ACVR1: variants seen among roughly 807,000 people sequenced by gnomAD.
The protein encoded by ACVR1 is activin receptor type-1.
In ACVR1, 38 loss-of-function variants were observed where a neutral mutation model predicts 57.1. The ratio of observed to expected loss-of-function variants is 0.67; its 90% confidence interval spans 0.51 to 0.87. The LOEUF (loss-of-function observed/expected upper bound fraction) is 0.87. Ranked by LOEUF, ACVR1 falls within the 40% of genes least tolerant of loss-of-function variation. The pLI is 0.00. For missense variants in ACVR1, 463 were observed against 638.2 expected (o/e 0.73, Z 2.96); for synonymous variants, 212 against 228.1 (o/e 0.93, Z 0.63).
chr2:157,794,425 ACT>A (rs909650125), intron 3 of ACVR1, among the ~76,000 whole-genome samples: 2 of 151,904 alleles, frequency 1.3e-5, no homozygotes, highest in Non-Finnish European at 2.9e-5. Flanking sequence ...GCTATTACAA[ACT>A]CTCTTCTCAC....
At chr2:157,750,754 A>AATAGGT (rs1685156425) in intron 9 of ACVR1, among the ~76,000 whole-genome samples, 1 of 152,234 alleles carries the variant, frequency 6.6e-6, no homozygotes, top group Non-Finnish European at 1.5e-5. Context: ...CCAATGAAGA[A>AATAGGT]AAAATAGGTA....
rs78162112 is a variant in ACVR1, at chr2:157,848,398, G to C, written c.-183+27398C>G. Among the ~76,000 whole-genome samples the C allele has an allele frequency of 4.4e-3, 668 of 152,294 alleles. 7 individuals are homozygous for C. The highest frequency in any genetic ancestry group is 0.015 in the African/African-American group (614 of 41,578). On this transcript the variant is annotated intron_variant, in intron 1 of 10. Transcript: ENST00000434821. ...AGAGAGACCACATGTAGGTGTTTCA[G>C]CTGACAGCCCCAGCTGAGCTCCCAG...
intron 1 of ACVR1, among the ~76,000 whole-genome samples, chr2:157,834,827 G>C (rs182055280): frequency 6.6e-6 from 1 of 152,088 alleles, no homozygotes; most frequent in East Asian, 1.9e-4. Context: ...GCAGGGCCTC[G>C]TGGGATGAGT....
At chr2:157,822,719 G>C (rs57220301) in intron 1 of ACVR1, among the ~76,000 whole-genome samples, 3,387 of 152,244 alleles carry the variant, frequency 0.022, 120 homozygotes, top group African/African-American at 0.077. Context: ...AAGTTTTATT[G>C]CAACAGGCAC....
At chr2:157,838,195 T>C (rs1342649889) in intron 1 of ACVR1, 3 of 152,142 alleles carry the variant, frequency 2.0e-5, no homozygotes, top group Non-Finnish European at 4.4e-5. Context: ...GAAAGTACAG[T>C]TCCAGTCGCA....
In ACVR1 at chr2:157,763,600, A is replaced by G. The variant is rs538542498; in HGVS notation, c.1066+2321T>C. Among the ~76,000 whole-genome samples, 6 of 152,258 alleles carry G rather than the reference A, an allele frequency of 3.9e-5. No individual in the cohort carries two copies. In the South Asian group the frequency reaches 1.2e-3, roughly 32 times the overall value. On this transcript the variant is annotated intron_variant, in intron 8 of 10. Coordinates refer to ENST00000434821, the MANE Select transcript of ACVR1 (RefSeq NM_001111067.4). ...GCCAGGTGTGGTGGTACACACCTGT[A>G]GTCCCAGCTGTTTTGGAACGCTGAG... is the stretch of plus-strand genomic sequence containing the variant.
chr2:157,783,309 T>C (rs188498430), intron 3 of ACVR1, among the ~76,000 whole-genome samples: 1 of 152,340 alleles, frequency 6.6e-6, no homozygotes, highest in Admixed American at 6.5e-5. Context: ...CCAAGGTCTC[T>C]AGTTTTTGAC....
intron 2 of ACVR1, among the ~76,000 whole-genome samples, chr2:157,804,372 T>A (rs1358987970): frequency 6.6e-6 from 1 of 152,230 alleles, no homozygotes; most frequent in Non-Finnish European, 1.5e-5. Flanking sequence ...AGCTTTAATT[T>A]TTTTTAATGT....
Position 157,863,895 on chromosome 2 carries a change from T to C in ACVR1, c.-183+11901A>G, listed in dbSNP as rs570686446. On this transcript the variant is annotated intron_variant, in intron 1 of 10. Coordinates refer to ENST00000434821, the MANE Select transcript of ACVR1 (RefSeq NM_001111067.4). Reference sequence around the variant, plus strand: ...TTTTTTTTTTTTTTTTGAGATGGAGTCTCGCTCTGTCACCCAGGTTGGAGT... The same window carrying C: ...TTTTTTTTTTTTTTTTGAGATGGAGCCTCGCTCTGTCACCCAGGTTGGAGT... Among the ~76,000 whole-genome samples the C allele has an allele frequency of 3.2e-3, 441 of 137,788 alleles. 4 individuals carry two copies. The highest frequency in any genetic ancestry group is 0.012 in the African/African-American group (422 of 36,210). The allele number at this position is 137,788 out of a possible 152,430, so 90.4% of individuals were successfully genotyped here.
intron 2 of ACVR1, among the ~76,000 whole-genome samples, chr2:157,803,121 T>A (rs1304033434): frequency 6.8e-6 from 1 of 147,320 alleles, no homozygotes; most frequent in Admixed American, 6.8e-5. Context: ...CTTTTACTAT[T>A]AAAAAAAAAA....
chr2:157,857,224 T>C (rs1210560865), intron 1 of ACVR1, among the ~76,000 whole-genome samples: 2 of 151,600 alleles, frequency 1.3e-5, no homozygotes, highest in Admixed American at 6.6e-5. Flanking sequence ...AAAAAGAAAA[T>C]ACACAATTCT....
chr2:157,866,233 A>G (rs192764259), intron 1 of ACVR1, among the ~76,000 whole-genome samples: 20 of 152,270 alleles, frequency 1.3e-4, no homozygotes, highest in Admixed American at 1.3e-3. Flanking sequence ...CCTCTATGAG[A>G]ACAAAAGAAA....
chr2:157,761,112 C>A, intron 8 of ACVR1, 35 bp from the exon 9 acceptor site: 1 of 1,607,838 alleles, frequency 6.2e-7, no homozygotes, highest in South Asian at 1.1e-5. Context: ...AATCAACCCA[C>A]TTCCTTTCTC....
chr2:157,835,367 A>G (rs1489677945), intron 1 of ACVR1, among the ~76,000 whole-genome samples: 1 of 152,232 alleles, frequency 6.6e-6, no homozygotes, highest in Non-Finnish European at 1.5e-5. Context: ...TATCCTAAGA[A>G]TTAAATGAGT....
At chr2:157,798,285 C>T (rs1687194370) in intron 3 of ACVR1, among the ~76,000 whole-genome samples, 3 of 151,738 alleles carry the variant, frequency 2.0e-5, no homozygotes, top group South Asian at 2.1e-4. Context: ...CAAGGGCCAA[C>T]GGTTCTGGTT....
At chr2:157,794,254 G>C (rs1349022191) in intron 3 of ACVR1, among the ~76,000 whole-genome samples, 2 of 152,160 alleles carry the variant, frequency 1.3e-5, no homozygotes. Context: ...GAAAGGGAAG[G>C]ATATACAGGT....
intron 8 of ACVR1, 127 bp downstream of exon 8, chr2:157,765,794 T>G: frequency 1.1e-6 from 1 of 899,804 alleles, no homozygotes. Context: ...AGGTGTTCAT[T>G]GTAAATGTTC....
At chr2:157,845,958 C>G (rs891312892) in intron 1 of ACVR1, among the ~76,000 whole-genome samples, 1 of 152,174 alleles carries the variant, frequency 6.6e-6, no homozygotes, top group African/African-American at 2.4e-5. Context: ...ATATAGCAGA[C>G]CTTCCCTTTA....
chr2:157,855,345 C>CAAAA lies in ACVR1; in HGVS notation c.-183+20447_-183+20450dup, dbSNP rs759192975. 8.0e-4 allele frequency among the ~76,000 whole-genome samples: 101 copies of CAAAA among 126,492 alleles called. 3 individuals are homozygous for CAAAA. Among genetic ancestry groups the CAAAA allele is most frequent in the Non-Finnish European group, 5.2e-4 (32 of 61,484 alleles). The allele number at this position is 126,492 out of a possible 152,430, so 83.0% of individuals were successfully genotyped here. ...ATATACACACACACACACACACACA[C>CAAAA]AAAAATTAGCCGGACGTGGTGGCTT... On this transcript the variant is annotated intron_variant, in intron 1 of 10. Transcript: ENST00000434821.
Sources: allele counts gnomAD v4.1 joint callset (sites outside exome capture counted in the v4.1 genomes callset), GRCh38; gene constraint gnomAD v4.1.1; transcripts MANE v1.5; gene names NCBI Gene and HGNC (gene_info 2026-07-23, HGNC 2026-07-21).